The following GALNTL6 variants were observed in gnomAD, a reference collection of about 807,000 sequenced individuals.
GALNTL6 encodes polypeptide N-acetylgalactosaminyltransferase like 6.
A neutral mutation model predicts 73.7 loss-of-function variants in GALNTL6; 46 were observed. The ratio of observed to expected loss-of-function variants is 0.62; its 90% confidence interval spans 0.49 to 0.80. The LOEUF is 0.80. Among genes scored for constraint, GALNTL6 ranks in the 30% least tolerant of loss-of-function variants. The pLI is 0.00. For synonymous variants in GALNTL6, 259 were observed against 263.7 expected, an observed-to-expected ratio of 0.98 and a Z score of 0.17; for missense variants, 604 against 755.0, an observed-to-expected ratio of 0.80 and a Z score of 2.34.
intron 5 of GALNTL6, among the ~76,000 whole-genome samples, chr4:172,421,056 T>C (rs1731040443): frequency 6.6e-6 from 1 of 152,018 alleles, no homozygotes; most frequent in Non-Finnish European, 1.5e-5. Flanking sequence ...TAATGCACAC[T>C]GGACTTAAAA....
chr4:172,264,594 T>TATATA (rs1738384759), intron 3 of GALNTL6, among the ~76,000 whole-genome samples: 1 of 71,530 alleles, frequency 1.4e-5, no homozygotes, highest in Non-Finnish European at 3.4e-5. Flanking sequence ...ATATATATAT[T>TATATA]TGGCATATAT....
chr4:172,411,334 G>A (rs928649012), intron 5 of GALNTL6, among the ~76,000 whole-genome samples: 6 of 152,110 alleles, frequency 3.9e-5, no homozygotes, highest in Admixed American at 6.6e-5. Context: ...TGGTGATGTC[G>A]TAAGCCACTA....
intron 5 of GALNTL6, among the ~76,000 whole-genome samples, chr4:172,466,279 T>G (rs1732815337): frequency 6.6e-6 from 1 of 152,126 alleles, no homozygotes; most frequent in Admixed American, 6.5e-5. Context: ...TTTTTGAAAA[T>G]GTACAAAAGT....
intron 2 of GALNTL6, among the ~76,000 whole-genome samples, chr4:172,167,785 C>T (rs1367279611): frequency 7.2e-6 from 1 of 139,796 alleles, no homozygotes; most frequent in Non-Finnish European, 1.5e-5. Context: ...GGTGAAACCC[C>T]GTCTCTACTA....
chr4:172,622,821 TC>T (rs1183323112), intron 5 of GALNTL6, among the ~76,000 whole-genome samples: 1 of 152,162 alleles, frequency 6.6e-6, no homozygotes, highest in Admixed American at 6.6e-5. Context: ...AGAAGAGGTT[TC>T]TTTAATATTA....
chr4:172,225,417 C>CTT (rs35420591), intron 2 of GALNTL6, among the ~76,000 whole-genome samples: 104 of 144,746 alleles, frequency 7.2e-4, no homozygotes, highest in East Asian at 5.3e-3. Context: ...ATGAATTTGA[C>CTT]TTTTTTTTTT....
chr4:172,689,977 A>G (rs1733168878), intron 5 of GALNTL6, among the ~76,000 whole-genome samples: 1 of 152,234 alleles, frequency 6.6e-6, no homozygotes, highest in African/African-American at 2.4e-5. Context: ...GAAAAAAATT[A>G]CAAATTAACT....
intron 5 of GALNTL6, among the ~76,000 whole-genome samples, chr4:172,753,087 TG>T (rs1164670832): frequency 2.6e-5 from 4 of 152,158 alleles, no homozygotes; most frequent in Non-Finnish European, 1.5e-5. Context: ...ATAATCCCCA[TG>T]TATCAAGGGC....
chr4:172,557,893 G>A (rs1022624773), intron 5 of GALNTL6, among the ~76,000 whole-genome samples: 1 of 151,770 alleles, frequency 6.6e-6, no homozygotes, highest in African/African-American at 2.4e-5. Flanking sequence ...TTAATTTCTA[G>A]ATATATATCA....
chr4:172,939,106 A>T (rs1474815217), intron 9 of GALNTL6, among the ~76,000 whole-genome samples: 2 of 152,170 alleles, frequency 1.3e-5, no homozygotes, highest in Non-Finnish European at 2.9e-5. Flanking sequence ...GCTGGGCAAC[A>T]TAGCAAGGCC....
At chr4:172,767,163 A>T (rs1378282284) in intron 5 of GALNTL6, among the ~76,000 whole-genome samples, 1 of 152,244 alleles carries the variant, frequency 6.6e-6, no homozygotes, top group Non-Finnish European at 1.5e-5. Context: ...CTGTCTTTCA[A>T]CGTATTATTT....
chr4:172,012,781 T>C (rs1741057498), intron 2 of GALNTL6, among the ~76,000 whole-genome samples: 1 of 152,102 alleles, frequency 6.6e-6, no homozygotes. Flanking sequence ...AATTTATTTT[T>C]TGAGGACTCA....
At chr4:172,053,632 C>A (rs954765043) in intron 2 of GALNTL6, among the ~76,000 whole-genome samples, 1 of 152,146 alleles carries the variant, frequency 6.6e-6, no homozygotes, top group African/African-American at 2.4e-5. Flanking sequence ...ATTAATATCA[C>A]AATTGTCCCT....
At chr4:172,328,410 A>G (rs1741016583) in intron 4 of GALNTL6, among the ~76,000 whole-genome samples, 1 of 151,786 alleles carries the variant, frequency 6.6e-6, no homozygotes, top group South Asian at 2.1e-4. Flanking sequence ...GCTTCTCTGT[A>G]TTTCCTGAAT....
At chr4:172,043,897 G>A (rs1283294263) in intron 2 of GALNTL6, among the ~76,000 whole-genome samples, 8 of 152,038 alleles carry the variant, frequency 5.3e-5, no homozygotes, top group Non-Finnish European at 1.5e-5. Flanking sequence ...TTTATGGCAT[G>A]CATATTAAAT....
Position 172,882,892 on chromosome 4 carries a change from T to C in GALNTL6, c.1026T>C (p.Tyr342=), listed in dbSNP as rs1473196732. The C allele has an allele frequency of 1.9e-6, 3 of 1,586,730 alleles. No individual in the cohort carries two copies. Among genetic ancestry groups the C allele is most frequent in the Non-Finnish European group, 2.6e-6 (3 of 1,155,536 alleles). The change falls in exon 8 of 13, where the codon TAT becomes TAC. Residue 342 remains tyrosine, a synonymous_variant. Transcript: ENST00000506823. The part of the protein sequence containing the change: ...PGLEIWGGEQ[Y]EISFKVWMCG... The stretch of plus-strand genomic sequence containing the variant: ...TAGAAATCTGGGGAGGAGAACAGTA[T>C]GAAATCTCTTTTAAGGTAAGCCCCA...
chr4:173,019,194 G>A (rs941920978), intron 11 of GALNTL6, among the ~76,000 whole-genome samples: 8 of 152,186 alleles, frequency 5.3e-5, no homozygotes, highest in South Asian at 2.1e-4. Flanking sequence ...AAATAGAGGG[G>A]CAGGAACAAG....
At chr4:171,962,246 C>A (rs765570478) in intron 2 of GALNTL6, among the ~76,000 whole-genome samples, 1 of 152,122 alleles carries the variant, frequency 6.6e-6, no homozygotes, top group Non-Finnish European at 1.5e-5. Context: ...AGCATTTGAA[C>A]AAGATCAACT....
At chr4:171,938,195 A>C (rs1738412676) in intron 2 of GALNTL6, among the ~76,000 whole-genome samples, 1 of 152,046 alleles carries the variant, frequency 6.6e-6, no homozygotes, top group Non-Finnish European at 1.5e-5. Flanking sequence ...GGTCTTTTCC[A>C]ATGCCTGCTT....
Sources: gnomAD v4.1 joint callset for allele counts (sites outside exome capture counted in the v4.1 genomes callset) on GRCh38, gnomAD v4.1.1 for gene constraint, MANE v1.5 for transcripts, NCBI Gene and HGNC (gene_info 2026-07-23, HGNC 2026-07-21) for gene names.